The following PTGER4 variants were observed in gnomAD, a reference collection of about 807,000 sequenced individuals.
The protein encoded by PTGER4 is prostaglandin E2 receptor EP4 subtype.
A neutral mutation model predicts 33.2 loss-of-function variants in PTGER4; 11 were observed. The observed-to-expected ratio is 0.33, with a 90% CI of 0.21 to 0.55. The LOEUF (loss-of-function observed/expected upper bound fraction) is 0.55, where lower values mean the gene tolerates loss of function less well. PTGER4 is among the 20% of genes least tolerant of loss of function. The probability of loss-of-function intolerance (pLI) is 0.92; values close to 1 mark genes in which losing one functional copy is unlikely to be tolerated. For missense variants in PTGER4, 481 were observed against 650.2 expected, an observed-to-expected ratio of 0.74 and a Z score of 2.83; for synonymous variants, 275 against 281.5, an observed-to-expected ratio of 0.98 and a Z score of 0.23.
downstream of PTGER4, among the ~76,000 whole-genome samples, chr5:40,697,250 G>GAAAGAA (rs1247679960): frequency 9.8e-5 from 8 of 81,794 alleles, 1 homozygote; most frequent in African/African-American, 2.8e-4. Flanking sequence ...AAGAAAGAAA[G>GAAAGAA]AAAGAAAGAA....
At chr5:40,731,058 G>T in the PTGER4 span, among the ~76,000 whole-genome samples, 24 of 152,226 alleles carry the variant, frequency 1.6e-4, no homozygotes, top group Non-Finnish European at 3.1e-4. Context: ...GTGATTTCAA[G>T]CCTCTCTAAA....
Position 40,681,305 on chromosome 5 carries a change from G to A in PTGER4, c.312G>A (p.Leu104=), listed in dbSNP as rs113932434. 11 of 1,614,058 alleles carry A rather than the reference G, an allele frequency of 6.8e-6. No individual in the cohort carries two copies. Among genetic ancestry groups the A allele is most frequent in the South Asian group, 2.2e-5 (2 of 91,090 alleles). Residue 104 remains leucine, a synonymous_variant, in exon 2 of 3, where the codon CTG becomes CTA. Transcript: ENST00000302472. This position sits in a 1 kb window ranked among gnomAD's most constrained non-coding sequence, Gnocchi z 9.8. ...CCTTCATTCTGCTCTTCTTCAGCCT[G>A]TCCGGCCTCAGCATCATCTGCGCCA... The part of the protein sequence containing the change: ...YSTFILLFFS[L]SGLSIICAMS...
At chr5:40,733,160 T>C in the PTGER4 span, among the ~76,000 whole-genome samples, 23 of 152,240 alleles carry the variant, frequency 1.5e-4, no homozygotes, top group East Asian at 9.7e-4. Context: ...AATGTGAATA[T>C]AGGTAGAAAA....
rs1298632826 is a variant in PTGER4, at chr5:40,683,425, T to C, written c.867+1565T>C. Among the ~76,000 whole-genome samples, 3 of 152,244 alleles carry C rather than the reference T, an allele frequency of 2.0e-5. No individual in the cohort carries two copies. Among genetic ancestry groups the C allele is most frequent in the Admixed American group, 2.0e-4 (3 of 15,286 alleles). On this transcript the variant is annotated intron_variant, in intron 2 of 2. Coordinates refer to ENST00000302472, the MANE Select transcript of PTGER4 (RefSeq NM_000958.3). This position sits in a 1 kb window ranked among gnomAD's most constrained non-coding sequence, Gnocchi z 4.2. ...CTTGAGCCACATAAATATATTTTAC[T>C]GTCTGTAATGGCAACCTAGAATAAA...
chr5:40,702,293 A>C, the PTGER4 span, among the ~76,000 whole-genome samples: 8 of 152,210 alleles, frequency 5.3e-5, no homozygotes, highest in African/African-American at 1.9e-4. Context: ...CTCACACATA[A>C]TGACACTCAC....
downstream of PTGER4, among the ~76,000 whole-genome samples, chr5:40,695,972 C>T (rs1741577792): frequency 2.0e-5 from 3 of 152,168 alleles, no homozygotes; most frequent in Non-Finnish European, 4.4e-5. Context: ...CTACTGGGTA[C>T]TATGTTCACT....
At chr5:40,738,539 C>CAATAAAATAAAATAA in the PTGER4 span, among the ~76,000 whole-genome samples, 1,095 of 66,828 alleles carry the variant, frequency 0.016, 60 homozygotes, top group East Asian at 0.11. Context: ...CAATAAAATA[C>CAATAAAATAAAATAA]AATAAAATAA....
the PTGER4 span, among the ~76,000 whole-genome samples, chr5:40,720,857 G>A: frequency 2.0e-5 from 3 of 152,178 alleles, no homozygotes; most frequent in Admixed American, 6.5e-5. Flanking sequence ...ACCCTCAAGG[G>A]AAAGAATGAA....
chr5:40,690,276 G>T (rs1053554718), intron 2 of PTGER4, among the ~76,000 whole-genome samples: 1 of 152,146 alleles, frequency 6.6e-6, no homozygotes, highest in African/African-American at 2.4e-5. Context: ...GGGGGTCAAG[G>T]CTGCAGTGAG....
the PTGER4 span, among the ~76,000 whole-genome samples, chr5:40,709,516 G>T: frequency 6.6e-6 from 1 of 152,118 alleles, no homozygotes; most frequent in Non-Finnish European, 1.5e-5. Flanking sequence ...ACAAACCACT[G>T]CTCAGCAAAA....
At chr5:40,716,019 G>T in the PTGER4 span, 1 of 725,168 alleles carries the variant, frequency 1.4e-6, no homozygotes, top group South Asian at 2.2e-5. Flanking sequence ...GTTTTTATAT[G>T]CCTCATCTGA....
chr5:40,746,392 T>TA, the PTGER4 span, among the ~76,000 whole-genome samples: 10 of 152,168 alleles, frequency 6.6e-5, no homozygotes, highest in Non-Finnish European at 1.2e-4. Context: ...TATTTTTTTT[T>TA]ATGTATGTGC....
the PTGER4 span, among the ~76,000 whole-genome samples, chr5:40,745,641 G>A: frequency 7.9e-5 from 12 of 151,242 alleles, no homozygotes; most frequent in African/African-American, 2.7e-4. Context: ...TTCCTGCCTC[G>A]GCCTCTCAAA....
At chr5:40,729,180 T>A in the PTGER4 span, among the ~76,000 whole-genome samples, 1 of 152,202 alleles carries the variant, frequency 6.6e-6, no homozygotes, top group East Asian at 1.9e-4. Context: ...ATATACATAT[T>A]TAAGATTGAA....
the PTGER4 span, among the ~76,000 whole-genome samples, chr5:40,724,445 C>T: frequency 6.6e-6 from 1 of 151,908 alleles, no homozygotes; most frequent in Admixed American, 6.6e-5. Flanking sequence ...CCAGCCTGGC[C>T]AACACGGTGA....
At position 40,693,359 on chromosome 5, in the gene PTGER4, T is replaced by C; in HGVS notation, c.*981T>C. On this transcript the variant is annotated 3_prime_UTR_variant, in exon 3 of 3. Coordinates refer to ENST00000302472, the MANE Select transcript of PTGER4 (RefSeq NM_000958.3). Reference sequence around the variant, plus strand: ...GCAGCTTATTGTTTCTCTGAAAGTGTGTGTAGTTTTACTTTCCTAAGGAAT... The same window carrying C: ...GCAGCTTATTGTTTCTCTGAAAGTGCGTGTAGTTTTACTTTCCTAAGGAAT... The C allele has an allele frequency of 3.1e-6, 3 of 982,982 alleles. No individual in the cohort carries two copies. Among genetic ancestry groups the C allele is most frequent in the African/African-American group, 1.7e-5 (1 of 57,286 alleles). The allele number at this position is 982,982 out of a possible 1,614,324, so 60.9% of individuals were successfully genotyped here.
At chr5:40,733,520 T>G in the PTGER4 span, among the ~76,000 whole-genome samples, 2 of 152,202 alleles carry the variant, frequency 1.3e-5, no homozygotes, top group Non-Finnish European at 2.9e-5. Flanking sequence ...TGTTAAAAGC[T>G]TATCATATTT....
the PTGER4 span, among the ~76,000 whole-genome samples, chr5:40,710,000 C>T: frequency 6.6e-6 from 1 of 152,164 alleles, no homozygotes; most frequent in Non-Finnish European, 1.5e-5. Flanking sequence ...CAATACCATT[C>T]AGGACATAGG....
At chr5:40,726,436 C>T in the PTGER4 span, among the ~76,000 whole-genome samples, 1 of 151,350 alleles carries the variant, frequency 6.6e-6, no homozygotes, top group East Asian at 1.9e-4. Flanking sequence ...TACATAGTGT[C>T]CCTTCGTTAT....
Sources: allele counts gnomAD v4.1 joint callset (sites outside exome capture counted in the v4.1 genomes callset), GRCh38; gene constraint gnomAD v4.1.1; non-coding constraint Gnocchi (gnomAD v3.1); transcripts MANE v1.5; gene names NCBI Gene and HGNC (gene_info 2026-07-23, HGNC 2026-07-21).